The following NLGN4X variants were observed in gnomAD, a reference collection of about 807,000 sequenced individuals.
The protein encoded by NLGN4X is neuroligin 4 X-linked.
Under a neutral mutation model 40.3 loss-of-function variants are expected in NLGN4X, and 3 were observed. That is an observed-to-expected ratio of 0.07 (90% CI 0.03 to 0.19). The LOEUF (loss-of-function observed/expected upper bound fraction) is 0.19, where lower values mean the gene tolerates loss of function less well. Among genes scored for constraint, NLGN4X ranks in the 10% least tolerant of loss-of-function variants. The probability of loss-of-function intolerance (pLI) is 1.00; values close to 1 mark genes in which losing one functional copy is unlikely to be tolerated. For synonymous variants in NLGN4X, 270 were observed against 306.8 expected, an observed-to-expected ratio of 0.88 and a Z score of 1.25; for missense variants, 382 against 708.3, an observed-to-expected ratio of 0.54 and a Z score of 5.23.
chrX:6,077,679 A>C (rs759278749), intron 2 of NLGN4X, among the ~76,000 whole-genome samples: 1 of 111,254 alleles, frequency 9.0e-6, no homozygotes, highest in African/African-American at 3.3e-5. Flanking sequence ...ATTAAATAAG[A>C]GTTACTTTCT....
chrX:6,029,184 G>T, intron 3 of NLGN4X, 96 bp downstream of exon 3: 1 of 978,946 alleles, frequency 1.0e-6, no homozygotes, highest in South Asian at 1.9e-5. Flanking sequence ...CCAGGAACTG[G>T]AATAACAGGA....
intron 2 of NLGN4X, among the ~76,000 whole-genome samples, chrX:6,141,899 G>A (rs1478706545): frequency 3.6e-5 from 4 of 111,664 alleles, no homozygotes; most frequent in Non-Finnish European, 7.5e-5. Context: ...AAATAACCAT[G>A]TTCAAACCAG....
At chrX:6,011,787 A>T (rs925535658) in intron 3 of NLGN4X, among the ~76,000 whole-genome samples, 1 of 111,551 alleles carries the variant, frequency 9.0e-6, no homozygotes, top group African/African-American at 3.3e-5. Flanking sequence ...CCAGGAAAGG[A>T]TGTTACACGA....
At position 6,228,697 on chromosome X, in the gene NLGN4X, G is replaced by C. The variant is rs889182712; in HGVS notation, c.-462C>G. On this transcript the variant is annotated 5_prime_UTR_variant, in exon 1 of 6. Coordinates refer to ENST00000381095, the MANE Select transcript of NLGN4X (RefSeq NM_181332.3). ...CCCCAACTAGATTTCCTCATCCAGA[G>C]GAATGCAAGAGCCACCAACACCGCC... The C allele has an allele frequency of 5.4e-5, 6 of 111,495 alleles. No homozygotes were observed. Among genetic ancestry groups the C allele is most frequent in the African/African-American group, 2.0e-4 (6 of 30,607 alleles). The allele number at this position is 111,495 out of a possible 1,213,427, so 9.2% of individuals were successfully genotyped here. A position where few individuals can be genotyped will look rare whatever the true frequency, so the allele number is the denominator to read the frequency against.
At chrX:5,960,035 T>C (rs1010869412) in intron 3 of NLGN4X, among the ~76,000 whole-genome samples, 1 of 111,582 alleles carries the variant, frequency 9.0e-6, no homozygotes, top group Non-Finnish European at 1.9e-5. Flanking sequence ...TGATTATTTA[T>C]AGAATTATCA....
At chrX:5,940,263 TATCCC>T (rs11277058) in intron 3 of NLGN4X, among the ~76,000 whole-genome samples, 2,970 of 112,294 alleles carry the variant, frequency 0.026, 101 homozygotes, top group African/African-American at 0.091. Context: ...AAATGTATAC[TATCCC>T]TTAAACCACT....
At chrX:6,113,069 G>C (rs1343989470) in intron 2 of NLGN4X, among the ~76,000 whole-genome samples, 2 of 110,649 alleles carry the variant, frequency 1.8e-5, no homozygotes, top group African/African-American at 6.6e-5. Flanking sequence ...TTAAGGTCAT[G>C]AAAGACAAAA....
At chrX:6,140,626 G>A (rs2039929185) in intron 2 of NLGN4X, among the ~76,000 whole-genome samples, 1 of 110,667 alleles carries the variant, frequency 9.0e-6, no homozygotes, top group Admixed American at 9.7e-5. Context: ...CACCCAGGCT[G>A]GAGTGCACTG....
intron 3 of NLGN4X, among the ~76,000 whole-genome samples, chrX:5,934,452 G>A (rs776866626): frequency 4.7e-4 from 53 of 111,852 alleles, no homozygotes; most frequent in Non-Finnish European, 9.2e-4. Context: ...CATAAGACTC[G>A]AATGATCAAT....
intron 2 of NLGN4X, among the ~76,000 whole-genome samples, chrX:6,121,900 G>A (rs1250175311): frequency 1.8e-5 from 2 of 112,348 alleles, no homozygotes; most frequent in Non-Finnish European, 3.8e-5. Flanking sequence ...TCTCATCTTC[G>A]TTATTCCGAA....
chrX:6,209,369 C>A (rs1370591539), intron 1 of NLGN4X, among the ~76,000 whole-genome samples: 1 of 111,144 alleles, frequency 9.0e-6, no homozygotes, highest in Non-Finnish European at 1.9e-5. Context: ...CACTTGTGCC[C>A]GTTAAATTTA....
chrX:6,158,595 G>C (rs2040320695), intron 1 of NLGN4X, among the ~76,000 whole-genome samples: 1 of 112,288 alleles, frequency 8.9e-6, no homozygotes, highest in Non-Finnish European at 1.9e-5. Flanking sequence ...GAACTCCCAT[G>C]CATCAGGAAA....
chrX:6,156,633 G>C, intron 1 of NLGN4X, among the ~76,000 whole-genome samples: 1 of 111,938 alleles, frequency 8.9e-6, no homozygotes, highest in Non-Finnish European at 1.9e-5. Flanking sequence ...AATACCACAT[G>C]TTCTCACTTA....
intron 5 of NLGN4X, among the ~76,000 whole-genome samples, chrX:5,897,779 G>A (rs762839633): frequency 5.3e-4 from 59 of 111,899 alleles, no homozygotes; most frequent in South Asian, 2.3e-3. Flanking sequence ...ATGCGTACTC[G>A]CTGACTCCGC....
chrX:5,960,238 A>G (rs1204994899), intron 3 of NLGN4X, among the ~76,000 whole-genome samples: 3 of 90,802 alleles, frequency 3.3e-5, no homozygotes, highest in Non-Finnish European at 6.5e-5. Context: ...GAGTAGTATA[A>G]TTAATATGAT....
chrX:6,115,181 T>A (rs889692784), intron 2 of NLGN4X, among the ~76,000 whole-genome samples: 10 of 111,577 alleles, frequency 9.0e-5, no homozygotes, highest in African/African-American at 3.3e-4. Context: ...GAAATATGGT[T>A]GTAGGTGGGC....
At chrX:5,924,996 A>T (rs2033218316) in intron 3 of NLGN4X, among the ~76,000 whole-genome samples, 2 of 110,019 alleles carry the variant, frequency 1.8e-5, no homozygotes, top group Non-Finnish European at 3.8e-5. Context: ...TTCCCCTAAA[A>T]CCTATGAAAA....
chrX:6,193,057 T>C (rs183700387), intron 1 of NLGN4X, among the ~76,000 whole-genome samples: 157 of 111,719 alleles, frequency 1.4e-3, no homozygotes, highest in Middle Eastern at 0.014. Context: ...CATTGACTGC[T>C]GTGCTGGACT....
intron 2 of NLGN4X, among the ~76,000 whole-genome samples, chrX:6,071,448 A>G (rs1447829316): frequency 9.0e-6 from 1 of 111,676 alleles, no homozygotes; most frequent in East Asian, 2.8e-4. Context: ...ATCTAAAATA[A>G]TATCTAAATC....
Sources: gnomAD v4.1 joint callset for allele counts (sites outside exome capture counted in the v4.1 genomes callset) on GRCh38, gnomAD v4.1.1 for gene constraint, MANE v1.5 for transcripts, NCBI Gene and HGNC (gene_info 2026-07-23, HGNC 2026-07-21) for gene names.